Variants in CCR7 observed in about 807,000 individuals in gnomAD.
CCR7 encodes C-C chemokine receptor type 7.
In CCR7, 11 loss-of-function variants were observed where a neutral mutation model predicts 26.0. The observed-to-expected ratio is 0.42, with a 90% CI of 0.27 to 0.70. The LOEUF is 0.70. Ranked by LOEUF, CCR7 falls within the 30% of genes least tolerant of loss-of-function variation. The pLI, the probability that CCR7 is intolerant of heterozygous loss-of-function variation, is 0.23. For synonymous variants in CCR7, 189 were observed against 202.1 expected, an observed-to-expected ratio of 0.94 and a Z score of 0.55; for missense variants, 360 against 504.0, an observed-to-expected ratio of 0.71 and a Z score of 2.74.
chr17:40,564,456 C>T (rs1215373862), intron 1 of CCR7, among the ~76,000 whole-genome samples: 7 of 152,174 alleles, frequency 4.6e-5, no homozygotes, highest in Admixed American at 4.6e-4. Flanking sequence ...CCCTTTGCGG[C>T]TTTGAGGCCG....
chr17:40,555,703 C>A lies in CCR7; in HGVS notation c.176G>T (p.Trp59Leu). The stretch of plus-strand genomic sequence containing the variant: ...GATGGAGTACATGATAGGGAGGAAC[C>A]AGGCTTTAAAGTTCCGCACGTCCTT... The part of the protein sequence containing the change: ...SKKDVRNFKA[W>L]FLPIMYSIIC... The change falls in exon 3 of 3, where the codon TGG (tryptophan) becomes TTG (leucine). Residue 59 changes from tryptophan (W) to leucine (L), a missense_variant. Trp to Leu is a moderately conservative substitution (Grantham distance 61). Coordinates refer to ENST00000246657, the MANE Select transcript of CCR7 (RefSeq NM_001838.4). This position sits in a 1 kb window ranked among gnomAD's most constrained non-coding sequence, Gnocchi z 5.6. 6 of 1,614,120 alleles carry A rather than the reference C, an allele frequency of 3.7e-6. No individual in the cohort carries two copies. Among genetic ancestry groups the A allele is most frequent in the Non-Finnish European group, 5.1e-6 (6 of 1,180,024 alleles).
Position 40,554,938 on chromosome 17 carries a change from A to AGGCTGTAG in CCR7, c.933_940dup (p.Leu314ProfsTer56). Reference sequence around the variant, plus strand: ...GTTGACGCAGCAGCGGACGCAGGCCAGGCTGTAGGTGACGTCGTAGGCGAT... The same window carrying AGGCTGTAG: ...GTTGACGCAGCAGCGGACGCAGGCCAGGCTGTAGGGCTGTAGGTGACGTCGTAGGCGAT... On this transcript the variant is annotated frameshift_variant, in exon 3 of 3. Transcript: ENST00000246657. LOFTEE classifies it high-confidence loss of function. The AGGCTGTAG allele has an allele frequency of 6.2e-7, 1 of 1,614,228 alleles. No homozygotes were observed. The highest frequency in any genetic ancestry group is 8.5e-7 in the Non-Finnish European group (1 of 1,180,028).
intron 1 of CCR7, among the ~76,000 whole-genome samples, chr17:40,565,126 C>A (rs2036695585): frequency 6.6e-6 from 1 of 152,100 alleles, no homozygotes; most frequent in Admixed American, 6.6e-5. Context: ...TATGTCCCTG[C>A]TGTTTTAGAA....
chr17:40,557,234 G>C (rs1180973518), intron 2 of CCR7, among the ~76,000 whole-genome samples: 1 of 152,208 alleles, frequency 6.6e-6, no homozygotes. Context: ...ATGAAGGAGG[G>C]GGTCCATGCC....
At chr17:40,557,161 G>A (rs1248727763) in intron 2 of CCR7, among the ~76,000 whole-genome samples, 1 of 152,208 alleles carries the variant, frequency 6.6e-6, no homozygotes, top group Non-Finnish European at 1.5e-5. Context: ...CTCAGCTGCT[G>A]GAGCTTTTTT....
intron 2 of CCR7, 152 bp downstream of exon 2, chr17:40,558,741 G>T: frequency 1.4e-6 from 1 of 699,554 alleles, no homozygotes; most frequent in Non-Finnish European, 2.6e-6. Context: ...CTCAGCAGAT[G>T]GTGAGGGGGC....
Position 40,555,456 on chromosome 17 carries a change from G to T in CCR7, c.423C>A (p.Phe141Leu), listed in dbSNP as rs1174884909. The change falls in exon 3 of 3, where the codon TTC becomes TTA. Residue 141 changes from phenylalanine to leucine, a missense_variant. By Grantham distance (22) the Phe-to-Leu change is conservative. Transcript: ENST00000246657. The surrounding 1 kb of genome is among the most constrained non-coding windows in gnomAD (Gnocchi z 5.6). ...TGCAAAGAAGTAGGAGCATGCCACT[G>T]AAGAAGCTCATCTTGTAGATGGCAA... ...LIFAIYKMSFFSGMLLLLCIS... is the reference protein window; with the variant it reads ...LIFAIYKMSFLSGMLLLLCIS... The T allele has an allele frequency of 6.2e-7, 1 of 1,613,950 alleles. No homozygotes were observed. Among genetic ancestry groups the T allele is most frequent in the South Asian group, 1.1e-5 (1 of 91,084 alleles).
chr17:40,556,708 A>G (rs1235570044), intron 2 of CCR7, among the ~76,000 whole-genome samples: 2 of 151,378 alleles, frequency 1.3e-5, no homozygotes, highest in Non-Finnish European at 2.9e-5. Flanking sequence ...TTTCTTCTTG[A>G]CCCTCCTTTA....
At chr17:40,562,467 T>C (rs565754680) in intron 1 of CCR7, among the ~76,000 whole-genome samples, 1 of 152,066 alleles carries the variant, frequency 6.6e-6, no homozygotes, top group East Asian at 1.9e-4. Flanking sequence ...CCTGCTTCCA[T>C]CCCCCAACAT....
chr17:40,559,005 G>T, intron 1 of CCR7, 63 bp from the exon 2 acceptor site: 1 of 1,374,394 alleles, frequency 7.3e-7, no homozygotes, highest in Non-Finnish European at 1.0e-6. Context: ...ATTAAAGAAA[G>T]CAGTGGAGGG....
At chr17:40,560,280 C>T (rs138431077) in intron 1 of CCR7, among the ~76,000 whole-genome samples, 1 of 152,358 alleles carries the variant, frequency 6.6e-6, no homozygotes, top group Non-Finnish European at 1.5e-5. Context: ...TAGGTAGGGC[C>T]TGGCCCACTG....
intron 1 of CCR7, among the ~76,000 whole-genome samples, chr17:40,563,221 C>T (rs1053436569): frequency 6.6e-6 from 1 of 152,060 alleles, no homozygotes; most frequent in Non-Finnish European, 1.5e-5. Flanking sequence ...CCTGAATGTC[C>T]GAAGCAAAGA....
chr17:40,554,775 C>T lies in CCR7; in HGVS notation c.1104G>A (p.Val368=). Residue 368 remains valine, a synonymous_variant, in exon 3 of 3, where the codon GTG becomes GTA. Transcript: ENST00000246657. ...AGAAGGTGGTGGTGGTCTCGGCCTC[C>T]ACACTCATGGAGGAGCGCCGGATGT... is the stretch of plus-strand genomic sequence containing the variant. ...CRHIRRSSMS[V]EAETTTTFSP is the part of the protein sequence containing the mutation. The T allele has an allele frequency of 6.2e-7, 1 of 1,613,220 alleles. No individual in the cohort carries two copies. The highest frequency in any genetic ancestry group is 8.5e-7 in the Non-Finnish European group (1 of 1,179,492).
intron 2 of CCR7, among the ~76,000 whole-genome samples, chr17:40,556,698 TTTC>T (rs1170553432): frequency 6.6e-6 from 1 of 152,204 alleles, no homozygotes; most frequent in Non-Finnish European, 1.5e-5. Flanking sequence ...AACATGTGTC[TTTC>T]TTCTTGACCC....
In CCR7 at chr17:40,558,783, T is replaced by C. The variant is rs567740408; in HGVS notation, c.60+110A>G. On this transcript the variant is annotated intron_variant, in intron 2 of 2. Coordinates refer to ENST00000246657, the MANE Select transcript of CCR7 (RefSeq NM_001838.4). ...TAGCTTAATGAGTGGCAGGCGGGCT[T>C]ATGTCTGGGTCTTGTATCTTCTAGC... 5.5e-6 allele frequency: 5 copies of C among 912,314 alleles called. No homozygotes were observed. The Admixed American group carries it at 6.0e-5, about 11-fold the overall frequency. 56.5% of individuals were successfully genotyped at this position (912,314 alleles called of 1,614,324 possible).
At chr17:40,562,302 G>A (rs1024441158) in intron 1 of CCR7, among the ~76,000 whole-genome samples, 4 of 152,216 alleles carry the variant, frequency 2.6e-5, no homozygotes, top group Non-Finnish European at 2.9e-5. Flanking sequence ...CCACACAGCT[G>A]CTAAGAGAGG....
chr17:40,553,844 G>T lies in CCR7; in HGVS notation c.*898C>A, dbSNP rs1011378085. On this transcript the variant is annotated 3_prime_UTR_variant, in exon 3 of 3. Transcript: ENST00000246657. Reference sequence around the variant, plus strand: ...TTCCTCAAGGGAAAACTTTATCTGTGTGTGGGTAAAATGTTGCTCTCTTAA... The same window carrying T: ...TTCCTCAAGGGAAAACTTTATCTGTTTGTGGGTAAAATGTTGCTCTCTTAA... 6.6e-6 allele frequency: 1 copy of T among 152,106 alleles called. No homozygotes were observed. Among genetic ancestry groups the T allele is most frequent in the African/African-American group, 2.4e-5 (1 of 41,406 alleles). The allele number at this position is 152,106 out of a possible 1,614,324, so 9.4% of individuals were successfully genotyped here. A position where few individuals can be genotyped will look rare whatever the true frequency, so the allele number is the denominator to read the frequency against.
At chr17:40,563,284 A>G (rs1341987586) in intron 1 of CCR7, among the ~76,000 whole-genome samples, 4 of 152,144 alleles carry the variant, frequency 2.6e-5, no homozygotes, top group Non-Finnish European at 5.9e-5. Flanking sequence ...TCTCCTCCCC[A>G]GCCAAGTTTC....
At position 40,555,534 on chromosome 17, in the gene CCR7, G is replaced by C. The variant is rs2036575393; in HGVS notation, c.345C>G (p.Ala115=). The change falls in exon 3 of 3, where the codon GCC becomes GCG. Residue 115 remains alanine, a synonymous_variant. Transcript: ENST00000246657. The surrounding 1 kb of genome is among the most constrained non-coding windows in gnomAD (Gnocchi z 5.6). ...ILFLLTLPFW[A]YSAAKSWVFG... ...AGACCCAGGACTTGGCCGCGCTGTA[G>C]GCCCAGAAGGGAAGGGTCAGGAGGA... 1.2e-6 allele frequency: 2 copies of C among 1,614,026 alleles called. No homozygotes were observed. Among genetic ancestry groups the C allele is most frequent in the African/African-American group, 2.7e-5 (2 of 74,926 alleles).
Sources: allele counts gnomAD v4.1 joint callset (sites outside exome capture counted in the v4.1 genomes callset), GRCh38; gene constraint gnomAD v4.1.1; non-coding constraint Gnocchi (gnomAD v3.1); transcripts MANE v1.5; gene names NCBI Gene and HGNC (gene_info 2026-07-23, HGNC 2026-07-21).